TMEM178B: variants seen among roughly 807,000 people sequenced by gnomAD.
The protein encoded by TMEM178B is transmembrane protein 178B.
TMEM178B carries 5 observed loss-of-function variants against 31.0 expected under a neutral mutation model. That is an observed-to-expected ratio of 0.16 (90% CI 0.08 to 0.34). The LOEUF (loss-of-function observed/expected upper bound fraction) is 0.34. Among genes scored for constraint, TMEM178B ranks in the 10% least tolerant of loss-of-function variants. TMEM178B has a pLI of 1.00. For synonymous variants in TMEM178B, 164 were observed against 164.0 expected, an observed-to-expected ratio of 1.00 and a Z score of 0.00; for missense variants, 275 against 400.3, an observed-to-expected ratio of 0.69 and a Z score of 2.67.
intron 1 of TMEM178B, among the ~76,000 whole-genome samples, chr7:141,176,804 T>C (rs1042484141): frequency 6.6e-6 from 1 of 152,140 alleles, no homozygotes; most frequent in Non-Finnish European, 1.5e-5. Context: ...GGTGGTGATA[T>C]CCTCTTTATC....
intron 2 of TMEM178B, among the ~76,000 whole-genome samples, chr7:141,359,514 T>C (rs759838702): frequency 6.6e-6 from 1 of 152,184 alleles, no homozygotes; most frequent in Non-Finnish European, 1.5e-5. Context: ...CTGTAAACAA[T>C]CGTGATGATA....
chr7:141,337,017 TCACCACCATCACCAC>T (rs1799416372), intron 2 of TMEM178B, among the ~76,000 whole-genome samples: 1 of 18,580 alleles, frequency 5.4e-5, no homozygotes, highest in Non-Finnish European at 9.5e-5. Context: ...ACCACCACCA[TCACCACCATCACCAC>T]CACCACCACC....
At chr7:141,384,689 G>A (rs907102500) in intron 2 of TMEM178B, among the ~76,000 whole-genome samples, 3 of 152,156 alleles carry the variant, frequency 2.0e-5, no homozygotes, top group African/African-American at 4.8e-5. Flanking sequence ...GGATTGACTT[G>A]GCAATGTGGG....
chr7:141,256,606 G>C lies in TMEM178B; in HGVS notation c.496+43902G>C, dbSNP rs1293346473. Among the ~76,000 whole-genome samples the C allele has an allele frequency of 6.6e-5, 10 of 152,162 alleles. No individual in the cohort carries two copies. In the South Asian group the frequency reaches 1.9e-3, roughly 28 times the overall value. On this transcript the variant is annotated intron_variant, in intron 2 of 3. Coordinates refer to ENST00000565468, the MANE Select transcript of TMEM178B (RefSeq NM_001195278.2). ...TTTCCAAGTGTGATGGAAAGCTCTG[G>C]AGAGTTTTGCATGGGGAACTGACAT...
chr7:141,284,850 G>A (rs1267908837), intron 2 of TMEM178B, among the ~76,000 whole-genome samples: 1 of 152,142 alleles, frequency 6.6e-6, no homozygotes, highest in Non-Finnish European at 1.5e-5. Flanking sequence ...ATTGGAAACT[G>A]TGTGATCAAA....
intron 1 of TMEM178B, among the ~76,000 whole-genome samples, chr7:141,095,853 C>T (rs1323370020): frequency 6.6e-6 from 1 of 152,200 alleles, no homozygotes; most frequent in African/African-American, 2.4e-5. Context: ...CACTGCACTC[C>T]AGGATGCTGC....
intron 2 of TMEM178B, among the ~76,000 whole-genome samples, chr7:141,330,309 T>C (rs548644762): frequency 1.3e-5 from 2 of 152,138 alleles, no homozygotes; most frequent in Non-Finnish European, 2.9e-5. Flanking sequence ...CAGTGTGTGT[T>C]GTTCTCCTCC....
chr7:141,280,038 C>T lies in TMEM178B; in HGVS notation c.496+67334C>T, dbSNP rs759552370. 8.1e-4 allele frequency among the ~76,000 whole-genome samples: 124 copies of T among 152,308 alleles called. 1 individual carries two copies. Among genetic ancestry groups the T allele is most frequent in the African/African-American group, 2.1e-3 (86 of 41,558 alleles). On this transcript the variant is annotated intron_variant, in intron 2 of 3. Coordinates refer to ENST00000565468, the MANE Select transcript of TMEM178B (RefSeq NM_001195278.2). ...GGGCAAGGGTAGGGTAAGTGGGGCC[C>T]CCATGGGCCTTCCTGGGCTCATCCT...
At chr7:141,281,719 C>T (rs1197542469) in intron 2 of TMEM178B, among the ~76,000 whole-genome samples, 2 of 152,108 alleles carry the variant, frequency 1.3e-5, no homozygotes, top group Non-Finnish European at 2.9e-5. Flanking sequence ...AACGATGGGT[C>T]AGAGTTTTCT....
intron 2 of TMEM178B, among the ~76,000 whole-genome samples, chr7:141,391,605 G>A (rs1800543078): frequency 1.3e-5 from 2 of 152,028 alleles, no homozygotes; most frequent in African/African-American, 4.8e-5. Context: ...TCACATTGCT[G>A]TGCGACCATC....
At chr7:141,357,970 C>T (rs1799849902) in intron 2 of TMEM178B, among the ~76,000 whole-genome samples, 1 of 152,164 alleles carries the variant, frequency 6.6e-6, no homozygotes, top group Non-Finnish European at 1.5e-5. Flanking sequence ...TTTTGGAATT[C>T]TGTCTTTGTA....
At chr7:141,253,006 A>G (rs564819797) in intron 2 of TMEM178B, among the ~76,000 whole-genome samples, 4 of 152,336 alleles carry the variant, frequency 2.6e-5, no homozygotes, top group Non-Finnish European at 4.4e-5. Flanking sequence ...AGAGGGCAAG[A>G]GAAAAGAGGT....
intron 1 of TMEM178B, among the ~76,000 whole-genome samples, chr7:141,097,365 C>CAAAA (rs10718738): frequency 1.4e-4 from 12 of 85,298 alleles, no homozygotes; most frequent in East Asian, 3.6e-4. Flanking sequence ...GACTCCGTCT[C>CAAAA]AAAAAAAAAA....
intron 2 of TMEM178B, among the ~76,000 whole-genome samples, chr7:141,297,587 A>G (rs959414014): frequency 2.0e-5 from 3 of 152,038 alleles, no homozygotes; most frequent in African/African-American, 7.2e-5. Flanking sequence ...ATTCCCACCT[A>G]TGAGTGAGAA....
intron 1 of TMEM178B, among the ~76,000 whole-genome samples, chr7:141,159,806 G>C (rs1335775006): frequency 6.6e-6 from 1 of 152,006 alleles, no homozygotes; most frequent in Admixed American, 6.6e-5. Context: ...TCGTCAGGGG[G>C]TTGGGGGATG....
At chr7:141,192,915 G>T (rs974598722) in intron 1 of TMEM178B, among the ~76,000 whole-genome samples, 1 of 152,162 alleles carries the variant, frequency 6.6e-6, no homozygotes, top group Admixed American at 6.5e-5. Context: ...GGCATCTTAT[G>T]ATTTGATATT....
At chr7:141,102,517 T>TGCTA (rs1795075002) in intron 1 of TMEM178B, among the ~76,000 whole-genome samples, 1 of 152,192 alleles carries the variant, frequency 6.6e-6, no homozygotes, top group Non-Finnish European at 1.5e-5. Context: ...TGGTGTTGCC[T>TGCTA]GCTACAGATT....
chr7:141,109,568 C>T (rs1385100312), intron 1 of TMEM178B, among the ~76,000 whole-genome samples: 2 of 152,166 alleles, frequency 1.3e-5, no homozygotes, highest in Non-Finnish European at 2.9e-5. Flanking sequence ...TGATTGTTTC[C>T]TTTGCTAGAT....
intron 2 of TMEM178B, among the ~76,000 whole-genome samples, chr7:141,336,595 T>G (rs1799392480): frequency 6.6e-6 from 1 of 152,036 alleles, no homozygotes; most frequent in South Asian, 2.1e-4. Context: ...TTGGCTCAGT[T>G]AATCTTAGTT....
Sources: gnomAD v4.1 joint callset for allele counts (sites outside exome capture counted in the v4.1 genomes callset) on GRCh38, gnomAD v4.1.1 for gene constraint, MANE v1.5 for transcripts, NCBI Gene and HGNC (gene_info 2026-07-23, HGNC 2026-07-21) for gene names.